Variants in ACTL8 observed in about 807,000 individuals in gnomAD.
ACTL8 encodes the protein actin like 8.
In ACTL8, 3 loss-of-function variants were observed where a neutral mutation model predicts 9.3. The observed-to-expected ratio is 0.32, with a 90% confidence interval of 0.15 to 0.83. The LOEUF (loss-of-function observed/expected upper bound fraction) is 0.83, where lower values mean the gene tolerates loss of function less well. Ranked by LOEUF, ACTL8 falls within the 40% of genes least tolerant of loss-of-function variation. The pLI is 0.57. For synonymous variants in ACTL8, 224 were observed against 205.9 expected (o/e 1.09, Z -0.75); for missense variants, 381 against 492.2 (o/e 0.77, Z 2.14).
intron 1 of ACTL8, among the ~76,000 whole-genome samples, chr1:17,781,182 T>C (rs1017560405): frequency 6.6e-6 from 1 of 151,672 alleles, no homozygotes; most frequent in Admixed American, 6.6e-5. Context: ...GGCCTTCCTC[T>C]CTGTGTGTCT....
At chr1:17,795,158 T>C (rs2066267918) in intron 1 of ACTL8, among the ~76,000 whole-genome samples, 1 of 152,220 alleles carries the variant, frequency 6.6e-6, no homozygotes, top group African/African-American at 2.4e-5. Context: ...ATAGCTTCCA[T>C]TCTCAAAGTC....
chr1:17,772,258 G>A (rs1234120908), intron 1 of ACTL8, among the ~76,000 whole-genome samples: 1 of 152,190 alleles, frequency 6.6e-6, no homozygotes, highest in Non-Finnish European at 1.5e-5. Flanking sequence ...TAGTGTTATG[G>A]CAGCATGAAC....
At chr1:17,762,239 G>T (rs1032737847) in intron 1 of ACTL8, among the ~76,000 whole-genome samples, 11 of 152,008 alleles carry the variant, frequency 7.2e-5, no homozygotes, top group African/African-American at 2.7e-4. Context: ...TTCAGATATA[G>T]GGCTCCGGGG....
intron 1 of ACTL8, among the ~76,000 whole-genome samples, chr1:17,759,765 C>T (rs759277803): frequency 1.3e-5 from 2 of 152,076 alleles, no homozygotes; most frequent in African/African-American, 2.4e-5. Context: ...AGAGAAGGTG[C>T]GTTTGCTTGA....
chr1:17,778,794 G>A (rs2066133660), intron 1 of ACTL8, among the ~76,000 whole-genome samples: 1 of 152,146 alleles, frequency 6.6e-6, no homozygotes, highest in African/African-American at 2.4e-5. Context: ...GGTGGGGCTT[G>A]TTTGAGAATC....
intron 1 of ACTL8, among the ~76,000 whole-genome samples, chr1:17,780,621 G>A (rs1212957643): frequency 6.6e-6 from 1 of 152,112 alleles, no homozygotes; most frequent in Non-Finnish European, 1.5e-5. Flanking sequence ...TTTATTAATA[G>A]GATGTGGGAG....
intron 1 of ACTL8, among the ~76,000 whole-genome samples, chr1:17,800,686 C>A (rs1190451402): frequency 6.7e-6 from 1 of 149,432 alleles, no homozygotes; most frequent in African/African-American, 2.5e-5. Context: ...CCCTCTGCAC[C>A]CGGGTTCAAT....
At chr1:17,806,393 T>C (rs1048466144) in intron 1 of ACTL8, among the ~76,000 whole-genome samples, 2 of 152,220 alleles carry the variant, frequency 1.3e-5, no homozygotes, top group Non-Finnish European at 2.9e-5. Context: ...TCTCCTTCTC[T>C]TTCTTCTGGT....
intron 1 of ACTL8, among the ~76,000 whole-genome samples, chr1:17,772,699 G>T (rs1157250766): frequency 2.0e-5 from 3 of 152,166 alleles, no homozygotes; most frequent in Admixed American, 2.0e-4. Flanking sequence ...GCAGGAATTG[G>T]CCATGCATCC....
intron 1 of ACTL8, among the ~76,000 whole-genome samples, chr1:17,787,032 A>G (rs1163556136): frequency 6.6e-6 from 1 of 152,016 alleles, no homozygotes; most frequent in Admixed American, 6.5e-5. Context: ...CATAAATGTT[A>G]CATTTATAAA....
At chr1:17,815,908 C>A (rs1200539436) in intron 1 of ACTL8, among the ~76,000 whole-genome samples, 1 of 152,164 alleles carries the variant, frequency 6.6e-6, no homozygotes, top group East Asian at 1.9e-4. Flanking sequence ...AATCCCCTTA[C>A]TCATTCCTCT....
At chr1:17,818,966 TTTTA>T (rs2053621588) in intron 1 of ACTL8, among the ~76,000 whole-genome samples, 1 of 152,162 alleles carries the variant, frequency 6.6e-6, no homozygotes, top group Non-Finnish European at 1.5e-5. Flanking sequence ...AATATACAGA[TTTTA>T]TCTCTGTCTT....
intron 1 of ACTL8, among the ~76,000 whole-genome samples, chr1:17,816,705 C>T (rs2066428576): frequency 6.6e-6 from 1 of 152,210 alleles, no homozygotes; most frequent in Admixed American, 6.5e-5. Context: ...CTGTGCTCTA[C>T]TGCCATGGGT....
intron 1 of ACTL8, among the ~76,000 whole-genome samples, chr1:17,812,360 G>C (rs181541143): frequency 7.0e-4 from 106 of 152,024 alleles, no homozygotes; most frequent in African/African-American, 2.5e-3. Context: ...AAGCAGCTTA[G>C]GTAGAAATGA....
At chr1:17,816,132 G>A (rs1368927272) in intron 1 of ACTL8, among the ~76,000 whole-genome samples, 1 of 151,494 alleles carries the variant, frequency 6.6e-6, no homozygotes, top group Non-Finnish European at 1.5e-5. Flanking sequence ...CAGCGAATTT[G>A]AAATGTACAG....
intron 1 of ACTL8, among the ~76,000 whole-genome samples, chr1:17,802,221 G>T (rs554210826): frequency 3.3e-5 from 5 of 152,274 alleles, no homozygotes; most frequent in Non-Finnish European, 7.4e-5. Flanking sequence ...TCAGAGCTGT[G>T]CCCTCCTTCT....
rs112595717 is a variant in ACTL8 at position 17,805,667 on chromosome 1, T to C, written c.-24-17318T>C. 2.7e-3 allele frequency among the ~76,000 whole-genome samples: 406 copies of C among 152,292 alleles called. 3 individuals are homozygous for C. Among genetic ancestry groups the C allele is most frequent in the African/African-American group, 9.1e-3 (377 of 41,564 alleles). On this transcript the variant is annotated intron_variant, in intron 1 of 2. Coordinates refer to ENST00000375406, the MANE Select transcript of ACTL8 (RefSeq NM_030812.3). ...TGCTGGGATTACAGGCGTGAGCCAC[T>C]GCGTCCGGCCAAAATAGATGTATTT...
chr1:17,782,258 A>G (rs1474804171), intron 1 of ACTL8, among the ~76,000 whole-genome samples: 1 of 152,194 alleles, frequency 6.6e-6, no homozygotes, highest in Non-Finnish European at 1.5e-5. Context: ...AGACAGCTTG[A>G]GGCAGACTGA....
At chr1:17,805,447 G>A (rs1281389704) in intron 1 of ACTL8, among the ~76,000 whole-genome samples, 4 of 141,636 alleles carry the variant, frequency 2.8e-5, no homozygotes, top group East Asian at 2.1e-4. Flanking sequence ...GTGCAGTGGC[G>A]CGGTCTTGGG....
Sources: allele counts gnomAD v4.1 joint callset (sites outside exome capture counted in the v4.1 genomes callset), GRCh38; gene constraint gnomAD v4.1.1; transcripts MANE v1.5; gene names NCBI Gene and HGNC (gene_info 2026-07-23, HGNC 2026-07-21).